Variants in FGD4 observed in about 807,000 individuals in gnomAD.
The protein encoded by FGD4 is FYVE, RhoGEF and PH domain-containing protein 4.
In FGD4, 42 loss-of-function variants were observed where a neutral mutation model predicts 102.0. That is an observed-to-expected ratio of 0.41 (90% CI 0.32 to 0.53). FGD4 has a LOEUF of 0.53. FGD4 is among the 20% of genes least tolerant of loss of function. The probability of loss-of-function intolerance (pLI) is 0.21; values close to 1 mark genes in which losing one functional copy is unlikely to be tolerated. For missense variants in FGD4, 902 were observed against 1,078.2 expected (o/e 0.84, Z 2.29); for synonymous variants, 380 against 375.7 (o/e 1.01, Z -0.13).
intron 1 of FGD4, among the ~76,000 whole-genome samples, chr12:32,552,422 A>G (rs1055778788): frequency 2.1e-4 from 30 of 142,604 alleles, no homozygotes; most frequent in Non-Finnish European, 1.1e-4. Context: ...GCCATGCCCG[A>G]CTAATTTTTG....
intron 2 of FGD4, among the ~76,000 whole-genome samples, chr12:32,567,271 T>C (rs983638194): frequency 7.9e-5 from 12 of 152,168 alleles, no homozygotes; most frequent in Non-Finnish European, 1.8e-4. Flanking sequence ...CCTACAACTG[T>C]CTTGGTAAAT....
At chr12:32,568,061 A>G (rs887823163) in intron 2 of FGD4, among the ~76,000 whole-genome samples, 1 of 145,128 alleles carries the variant, frequency 6.9e-6, no homozygotes, top group African/African-American at 2.7e-5. Flanking sequence ...TGTCTCTGGA[A>G]CAATATATGG....
At position 32,531,799 on chromosome 12, in the gene FGD4, T is replaced by C. The variant is rs889374122; in HGVS notation, c.167-32338T>C. ...CCTAAGAGTTAGGATTGCTGGCTCA[T>C]AGGATAAGTGCATTCCCACCTGATG... On this transcript the variant is annotated intron_variant, in intron 1 of 16. Transcript: ENST00000534526. 3.3e-5 allele frequency among the ~76,000 whole-genome samples: 5 copies of C among 152,228 alleles called. No individual in the cohort carries two copies. The East Asian group carries it at 5.8e-4, about 18-fold the overall frequency.
intron 1 of FGD4, among the ~76,000 whole-genome samples, chr12:32,483,008 A>G (rs1256402395): frequency 1.3e-5 from 2 of 152,234 alleles, no homozygotes; most frequent in South Asian, 2.1e-4. Flanking sequence ...GTATACAGCT[A>G]TAATTACTGA....
chr12:32,408,165 ATTT>A (rs35583015), intron 1 of FGD4, among the ~76,000 whole-genome samples: 6 of 116,198 alleles, frequency 5.2e-5, no homozygotes, highest in South Asian at 2.7e-4. Context: ...TGTCCAGCCA[ATTT>A]TTTTTTTTTT....
At chr12:32,623,763 CT>C (rs1949989301) in intron 11 of FGD4, among the ~76,000 whole-genome samples, 1 of 152,114 alleles carries the variant, frequency 6.6e-6, no homozygotes, top group South Asian at 2.1e-4. Context: ...TAAAGTTTGC[CT>C]TATAGGAAAA....
At chr12:32,621,856 T>G (rs1471898254) in intron 11 of FGD4, among the ~76,000 whole-genome samples, 1 of 152,018 alleles carries the variant, frequency 6.6e-6, no homozygotes, top group African/African-American at 2.4e-5. Context: ...AGTGGTTGAT[T>G]TACTGAGCTA....
At chr12:32,405,525 C>T (rs1460134424) in intron 1 of FGD4, among the ~76,000 whole-genome samples, 6 of 152,016 alleles carry the variant, frequency 3.9e-5, no homozygotes, top group Admixed American at 3.9e-4. Context: ...TCCCAAAGTG[C>T]TGGGATTACA....
At chr12:32,550,044 G>A (rs571751116) in intron 1 of FGD4, among the ~76,000 whole-genome samples, 1 of 152,118 alleles carries the variant, frequency 6.6e-6, no homozygotes, top group Non-Finnish European at 1.5e-5. Context: ...GGGGATGAAT[G>A]TGGGGTTAAG....
chr12:32,596,903 C>G (rs1333902416), intron 4 of FGD4, among the ~76,000 whole-genome samples: 1 of 150,736 alleles, frequency 6.6e-6, no homozygotes, highest in African/African-American at 2.4e-5. Flanking sequence ...CCATTGCACT[C>G]CAGCCTGGGC....
intron 7 of FGD4, among the ~76,000 whole-genome samples, chr12:32,603,158 T>C (rs1948535547): frequency 6.6e-6 from 1 of 152,204 alleles, no homozygotes; most frequent in South Asian, 2.1e-4. Flanking sequence ...TATAATACAG[T>C]GCTACAATTG....
intron 12 of FGD4, 90 bp from the exon 13 acceptor site, chr12:32,624,886 T>G: frequency 8.9e-7 from 1 of 1,122,226 alleles, no homozygotes; most frequent in South Asian, 1.3e-5. Flanking sequence ...TTCAAAGTGA[T>G]TCCTATCATA....
At chr12:32,609,048 G>T (rs1170296777) in intron 8 of FGD4, among the ~76,000 whole-genome samples, 1 of 152,126 alleles carries the variant, frequency 6.6e-6, no homozygotes, top group Non-Finnish European at 1.5e-5. Flanking sequence ...GATTTTAGTA[G>T]AGACGGGTTT....
chr12:32,597,903 G>T (rs952914491), intron 4 of FGD4, among the ~76,000 whole-genome samples: 1 of 151,904 alleles, frequency 6.6e-6, no homozygotes. Context: ...TTTGAGATAG[G>T]GTCTTGCTCT....
Position 32,640,501 on chromosome 12 carries a change from C to G in FGD4, c.2680C>G (p.His894Asp). The G allele has an allele frequency of 1.2e-6, 2 of 1,614,110 alleles. No homozygotes were observed. The highest frequency in any genetic ancestry group is 2.2e-5 in the South Asian group (2 of 91,078). ...TGAGCATCCAGCCACCTTGGATGAT[C>G]ATCCTGAACCTAAGAAAAAATCAGA... Reference protein sequence around the residue: ...PNEHPATLDDHPEPKKKSEC With the variant: ...PNEHPATLDDDPEPKKKSEC Residue 894 changes from histidine (H) to aspartate (D), a missense_variant, in exon 17 of 17, where the codon CAT becomes GAT. This residue lies in a region of FGD4 where 459 missense variants were observed against 619.0 expected (regional missense o/e 0.74). Coordinates refer to ENST00000534526, the MANE Select transcript of FGD4 (RefSeq NM_001370298.3).
chr12:32,405,455 C>G (rs1940895269), intron 1 of FGD4, among the ~76,000 whole-genome samples: 1 of 151,174 alleles, frequency 6.6e-6, no homozygotes, highest in South Asian at 2.1e-4. Flanking sequence ...GATGGGGTTT[C>G]TCCAAGTTGG....
At chr12:32,405,168 T>C (rs185924518) in intron 1 of FGD4, among the ~76,000 whole-genome samples, 2 of 151,734 alleles carry the variant, frequency 1.3e-5, no homozygotes, top group African/African-American at 4.8e-5. Flanking sequence ...CTCCTGACCT[T>C]GTGATCCACC....
intron 1 of FGD4, among the ~76,000 whole-genome samples, chr12:32,498,880 C>T (rs1479708375): frequency 2.6e-5 from 4 of 152,180 alleles, no homozygotes; most frequent in East Asian, 1.9e-4. Context: ...GGATTACAGG[C>T]GTGAGCCACC....
intron 1 of FGD4, among the ~76,000 whole-genome samples, chr12:32,497,307 T>C (rs552355005): frequency 6.6e-6 from 1 of 152,214 alleles, no homozygotes; most frequent in African/African-American, 2.4e-5. Flanking sequence ...ATCTTCCTTA[T>C]AAAGTACTCT....
Sources: gnomAD v4.1 joint callset for allele counts (sites outside exome capture counted in the v4.1 genomes callset) on GRCh38, gnomAD v4.1.1 for gene constraint, gnomAD v4.1.1 regional missense constraint, MANE v1.5 for transcripts, NCBI Gene and HGNC (gene_info 2026-07-23, HGNC 2026-07-21) for gene names.